The following TTC28 variants were observed in gnomAD, a reference collection of about 807,000 sequenced individuals.
TTC28 encodes tetratricopeptide repeat protein 28.
A neutral mutation model predicts 198.0 loss-of-function variants in TTC28; 61 were observed. That is an observed-to-expected ratio of 0.31 (90% CI 0.25 to 0.38). The LOEUF (loss-of-function observed/expected upper bound fraction) is 0.38. Among genes scored for constraint, TTC28 ranks in the 10% least tolerant of loss-of-function variants. TTC28 has a pLI of 1.00. For synonymous variants in TTC28, 1,171 were observed against 1,297.8 expected (o/e 0.90, Z 2.10); for missense variants, 2,678 against 3,164.0 (o/e 0.85, Z 3.69).
intron 2 of TTC28, among the ~76,000 whole-genome samples, chr22:28,585,145 C>T (rs1569040853): frequency 6.6e-6 from 1 of 152,136 alleles, no homozygotes; most frequent in Non-Finnish European, 1.5e-5. Context: ...TTGTGAAAGA[C>T]AATTTTTCAA....
chr22:28,625,335 A>G (rs1208811099), intron 2 of TTC28, among the ~76,000 whole-genome samples: 3 of 152,238 alleles, frequency 2.0e-5, no homozygotes, highest in African/African-American at 4.8e-5. Context: ...CAAAAATCCT[A>G]CTAGAAATTA....
intron 2 of TTC28, among the ~76,000 whole-genome samples, chr22:28,626,788 T>C (rs924825568): frequency 2.0e-5 from 3 of 152,042 alleles, no homozygotes; most frequent in African/African-American, 7.2e-5. Flanking sequence ...AATATTAATG[T>C]AAAATGGACT....
chr22:28,678,529 G>A (rs1020287295), intron 1 of TTC28, among the ~76,000 whole-genome samples: 1 of 152,298 alleles, frequency 6.6e-6, no homozygotes, highest in Non-Finnish European at 1.5e-5. Context: ...CGGCCTAGTG[G>A]ATAGTGTATA....
At chr22:28,405,426 T>A (rs1013311468) in intron 2 of TTC28, among the ~76,000 whole-genome samples, 1 of 152,144 alleles carries the variant, frequency 6.6e-6, no homozygotes, top group Non-Finnish European at 1.5e-5. Context: ...AGGAGAAGCA[T>A]TTATAAATGT....
chr22:28,530,256 G>T (rs911492569), intron 2 of TTC28, among the ~76,000 whole-genome samples: 1 of 152,170 alleles, frequency 6.6e-6, no homozygotes, highest in Non-Finnish European at 1.5e-5. Flanking sequence ...AGAACTACGT[G>T]ACACATGCAC....
chr22:28,053,346 A>G (rs1448772781), intron 12 of TTC28, among the ~76,000 whole-genome samples: 1 of 152,270 alleles, frequency 6.6e-6, no homozygotes, highest in African/African-American at 2.4e-5. Context: ...GCATAATCAG[A>G]TAGTGGCTAC....
At chr22:28,033,704 A>G (rs1939221829) in intron 12 of TTC28, among the ~76,000 whole-genome samples, 1 of 152,210 alleles carries the variant, frequency 6.6e-6, no homozygotes, top group Non-Finnish European at 1.5e-5. Flanking sequence ...ATGTTAATTT[A>G]AAAAACAAAA....
At chr22:28,648,961 G>C (rs1335446466) in intron 1 of TTC28, among the ~76,000 whole-genome samples, 1 of 151,396 alleles carries the variant, frequency 6.6e-6, no homozygotes, top group African/African-American at 2.4e-5. Flanking sequence ...AGAAAGGAAA[G>C]AAAAGAAAGA....
intron 2 of TTC28, among the ~76,000 whole-genome samples, chr22:28,595,935 T>C (rs368031355): frequency 4.6e-5 from 7 of 151,952 alleles, no homozygotes; most frequent in East Asian, 3.9e-4. Flanking sequence ...AAAATAATAA[T>C]AACATGTAAG....
At chr22:28,049,923 C>A (rs1400733674) in intron 12 of TTC28, among the ~76,000 whole-genome samples, 1 of 152,008 alleles carries the variant, frequency 6.6e-6, no homozygotes, top group Non-Finnish European at 1.5e-5. Flanking sequence ...AACAAAGTAC[C>A]CATTCTGATC....
In TTC28 at chr22:28,488,514, T is replaced by C. The variant is rs1331152146; in HGVS notation, c.381+141038A>G. On this transcript the variant is annotated intron_variant, in intron 2 of 22. Coordinates refer to ENST00000397906, the MANE Select transcript of TTC28 (RefSeq NM_001145418.2). ...TATGAATGTAACACTTCACACATTA[T>C]TATCAATGGGTATGTTATGAATGAA... Among the ~76,000 whole-genome samples the C allele has an allele frequency of 2.0e-5, 3 of 149,438 alleles. No individual in the cohort carries two copies. The South Asian group carries it at 6.3e-4, about 31-fold the overall frequency.
chr22:28,331,323 A>G (rs1256244350), intron 2 of TTC28, among the ~76,000 whole-genome samples: 2 of 152,224 alleles, frequency 1.3e-5, no homozygotes, highest in African/African-American at 2.4e-5. Flanking sequence ...TTAAAAAAGT[A>G]TATATAAGGA....
intron 2 of TTC28, among the ~76,000 whole-genome samples, chr22:28,399,145 T>C (rs956517119): frequency 5.3e-5 from 8 of 152,006 alleles, no homozygotes; most frequent in Non-Finnish European, 1.0e-4. Context: ...AACTGTCTCC[T>C]GTCAGCCTTT....
chr22:28,658,723 G>A (rs149868177), intron 1 of TTC28, among the ~76,000 whole-genome samples: 6 of 152,286 alleles, frequency 3.9e-5, no homozygotes, highest in East Asian at 1.9e-4. Context: ...AGTGCCAGGC[G>A]CAGTGGCTCA....
At chr22:28,366,844 G>A (rs991903451) in intron 2 of TTC28, among the ~76,000 whole-genome samples, 6 of 151,898 alleles carry the variant, frequency 4.0e-5, no homozygotes, top group Admixed American at 6.6e-5. Flanking sequence ...GACAAAGAAG[G>A]TCATTATCTA....
In TTC28 at chr22:28,536,391, G is replaced by A. The variant is rs569599071; in HGVS notation, c.381+93161C>T. ...TGTAATCCCAGCACTTTGGGAGGCC[G>A]AGGCGGGCGGATCACGAGGTCAGGA... On this transcript the variant is annotated intron_variant, in intron 2 of 22. Coordinates refer to ENST00000397906, the MANE Select transcript of TTC28 (RefSeq NM_001145418.2). Among the ~76,000 whole-genome samples the A allele has an allele frequency of 1.5e-3, 227 of 151,742 alleles. 4 individuals carry two copies. The highest frequency in any genetic ancestry group is 9.3e-3 in the South Asian group (45 of 4,814).
rs570778331 is a variant in TTC28 at position 28,299,257 on chromosome 22, A to G, written c.530-1405T>C. Among the ~76,000 whole-genome samples the G allele has an allele frequency of 4.0e-5, 6 of 151,810 alleles. 1 individual carries two copies. The highest frequency in any genetic ancestry group is 8.8e-5 in the Non-Finnish European group (6 of 67,912). On this transcript the variant is annotated intron_variant, in intron 3 of 22. Transcript: ENST00000397906. ...TATGCACATGTAAAAAAAAAAAACTATAAAAGGGGTGGTCTCTTTAAATCT... is the reference window on the plus strand; with the variant it reads ...TATGCACATGTAAAAAAAAAAAACTGTAAAAGGGGTGGTCTCTTTAAATCT...
chr22:28,428,834 G>A (rs2047391938), intron 2 of TTC28, among the ~76,000 whole-genome samples: 1 of 151,688 alleles, frequency 6.6e-6, no homozygotes, highest in Non-Finnish European at 1.5e-5. Flanking sequence ...TAGAGGCGGG[G>A]TTCCACCATG....
chr22:28,020,935 G>C (rs1435902687), intron 13 of TTC28, among the ~76,000 whole-genome samples: 1 of 152,032 alleles, frequency 6.6e-6, no homozygotes, highest in African/African-American at 2.4e-5. Flanking sequence ...GAGTCTGCCC[G>C]CCCTGCCTTC....
Sources: allele counts gnomAD v4.1 joint callset (sites outside exome capture counted in the v4.1 genomes callset), GRCh38; gene constraint gnomAD v4.1.1; transcripts MANE v1.5; gene names NCBI Gene and HGNC (gene_info 2026-07-23, HGNC 2026-07-21).